Variants in KCNQ3 observed in about 807,000 individuals in gnomAD.
The protein encoded by KCNQ3 is potassium voltage-gated channel subfamily KQT member 3.
KCNQ3 carries 30 observed loss-of-function variants against 92.5 expected under a neutral mutation model. The ratio of observed to expected loss-of-function variants is 0.32; its 90% CI spans 0.24 to 0.44. The LOEUF is 0.44. Ranked by LOEUF, KCNQ3 falls within the 20% of genes least tolerant of loss-of-function variation. The probability of loss-of-function intolerance (pLI) is 1.00; values close to 1 mark genes in which losing one functional copy is unlikely to be tolerated. For synonymous variants in KCNQ3, 450 were observed against 468.8 expected, an observed-to-expected ratio of 0.96 and a Z score of 0.52; for missense variants, 913 against 1,140.3, an observed-to-expected ratio of 0.80 and a Z score of 2.87.
chr8:132,448,502 G>GAAAAAAAAAAAAAAAAAAAAAAAAA, intron 1 of KCNQ3, among the ~76,000 whole-genome samples: 23 of 93,880 alleles, frequency 2.4e-4, no homozygotes, highest in East Asian at 6.5e-4. Flanking sequence ...GGAGAAATAT[G>GAAAAAAAAAAAAAAAAAAAAAAAAA]AAAAAAAAAA....
At position 132,122,723 on chromosome 8, in the gene KCNQ3, C is replaced by G. The variant is rs529552385; in HGVS notation, c.*6539G>C. On this transcript the variant is annotated 3_prime_UTR_variant, in exon 15 of 15. Transcript: ENST00000388996. ...TAGGAGCTTTCACTTCAGCCTGACT[C>G]AGGAGAACTGAAACATCCTACCACA... is the stretch of plus-strand genomic sequence containing the variant. 6.6e-6 allele frequency: 1 copy of G among 152,180 alleles called. No individual in the cohort carries two copies. Among genetic ancestry groups the G allele is most frequent in the Non-Finnish European group, 1.5e-5 (1 of 68,036 alleles). 9.4% of individuals were successfully genotyped at this position (152,180 alleles called of 1,614,324 possible). A position where few individuals can be genotyped will look rare whatever the true frequency, so the allele number is the denominator to read the frequency against.
chr8:132,419,864 G>A (rs545746940), intron 1 of KCNQ3, among the ~76,000 whole-genome samples: 1 of 152,302 alleles, frequency 6.6e-6, no homozygotes, highest in South Asian at 2.1e-4. Context: ...CGGAAAACCT[G>A]CATTCTTCCA....
intron 1 of KCNQ3, chr8:132,186,418 C>T: frequency 4.2e-6 from 2 of 474,702 alleles, no homozygotes; most frequent in Non-Finnish European, 7.9e-6. Flanking sequence ...TTTTACTTAA[C>T]CAGCTAATTA....
intron 9 of KCNQ3, among the ~76,000 whole-genome samples, chr8:132,157,369 C>G (rs556555794): frequency 6.6e-6 from 1 of 152,330 alleles, no homozygotes; most frequent in African/African-American, 2.4e-5. Flanking sequence ...TTGGAAGAAG[C>G]TGATAGCTCT....
intron 2 of KCNQ3, 98 bp from the exon 3 acceptor site, chr8:132,184,465 T>C: frequency 7.3e-7 from 1 of 1,360,978 alleles, no homozygotes; most frequent in African/African-American, 1.4e-5. Context: ...CTCCATTTTG[T>C]GCTGTTGCTG....
intron 1 of KCNQ3, among the ~76,000 whole-genome samples, chr8:132,459,168 G>A (rs1822007266): frequency 6.6e-6 from 1 of 152,130 alleles, no homozygotes; most frequent in Admixed American, 6.5e-5. Flanking sequence ...ATTTGTGGGG[G>A]AAGACCACAG....
intron 1 of KCNQ3, among the ~76,000 whole-genome samples, chr8:132,477,956 C>G (rs939149692): frequency 1.3e-5 from 2 of 152,118 alleles, no homozygotes; most frequent in Non-Finnish European, 2.9e-5. Flanking sequence ...GCTGTGTGAT[C>G]GCGGACAAGT....
At chr8:132,444,603 T>C (rs1821626951) in intron 1 of KCNQ3, among the ~76,000 whole-genome samples, 1 of 152,182 alleles carries the variant, frequency 6.6e-6, no homozygotes, top group African/African-American at 2.4e-5. Flanking sequence ...CTTCATAGAG[T>C]TGTGCAAACT....
At chr8:132,427,055 G>T (rs1201108012) in intron 1 of KCNQ3, among the ~76,000 whole-genome samples, 4 of 152,214 alleles carry the variant, frequency 2.6e-5, no homozygotes, top group Non-Finnish European at 5.9e-5. Context: ...AGGGCAAAAA[G>T]AATGCATCTC....
chr8:132,168,948 G>C (rs993088241), intron 8 of KCNQ3, among the ~76,000 whole-genome samples: 5 of 151,966 alleles, frequency 3.3e-5, no homozygotes, highest in African/African-American at 1.2e-4. Context: ...CCAAGTCAAG[G>C]GTTCTAGGAG....
intron 1 of KCNQ3, among the ~76,000 whole-genome samples, chr8:132,426,528 G>A (rs1821116665): frequency 6.6e-6 from 1 of 152,196 alleles, no homozygotes; most frequent in African/African-American, 2.4e-5. Context: ...CTGGGGCTGT[G>A]AGTATATGTG....
chr8:132,388,373 G>A (rs573008547), intron 1 of KCNQ3, among the ~76,000 whole-genome samples: 46 of 152,226 alleles, frequency 3.0e-4, no homozygotes, highest in African/African-American at 1.0e-3. Context: ...TAAAGAGTAC[G>A]AGAAAACTTC....
At chr8:132,478,918 T>C (rs543830252) in intron 1 of KCNQ3, among the ~76,000 whole-genome samples, 1 of 144,486 alleles carries the variant, frequency 6.9e-6, no homozygotes, top group East Asian at 2.0e-4. Context: ...ACATCAGTCA[T>C]GGGTGAATTG....
chr8:132,391,511 AC>A (rs1244248930), intron 1 of KCNQ3, among the ~76,000 whole-genome samples: 2 of 152,116 alleles, frequency 1.3e-5, no homozygotes, highest in African/African-American at 4.8e-5. Context: ...AATGGCACTG[AC>A]AAAACAAATT....
intron 1 of KCNQ3, among the ~76,000 whole-genome samples, chr8:132,351,492 C>A (rs1818864227): frequency 6.6e-6 from 1 of 152,210 alleles, no homozygotes; most frequent in African/African-American, 2.4e-5. Flanking sequence ...CCTTAGTGAG[C>A]CCATTGAAGC....
chr8:132,465,698 T>C (rs1017977164), intron 1 of KCNQ3, among the ~76,000 whole-genome samples: 1 of 152,086 alleles, frequency 6.6e-6, no homozygotes, highest in African/African-American at 2.4e-5. Flanking sequence ...GAGCCGAGAT[T>C]GCACCACTGC....
chr8:132,266,904 C>G (rs1563832522), intron 1 of KCNQ3, among the ~76,000 whole-genome samples: 1 of 152,122 alleles, frequency 6.6e-6, no homozygotes, highest in Non-Finnish European at 1.5e-5. Flanking sequence ...TGTAAAGACT[C>G]CCACTGAGTT....
chr8:132,373,998 C>G (rs576733831), intron 1 of KCNQ3, among the ~76,000 whole-genome samples: 128 of 152,226 alleles, frequency 8.4e-4, no homozygotes, highest in Middle Eastern at 6.8e-3. Flanking sequence ...TGCATGTTCT[C>G]CCGGGTGCCA....
chr8:132,457,046 C>G (rs958255361), intron 1 of KCNQ3, among the ~76,000 whole-genome samples: 12 of 152,190 alleles, frequency 7.9e-5, no homozygotes, highest in African/African-American at 2.2e-4. Flanking sequence ...AAGCCAGGAG[C>G]CTTAGGCAGT....
Sources: gnomAD v4.1 joint callset for allele counts (sites outside exome capture counted in the v4.1 genomes callset) on GRCh38, gnomAD v4.1.1 for gene constraint, MANE v1.5 for transcripts, NCBI Gene and HGNC (gene_info 2026-07-23, HGNC 2026-07-21) for gene names.